MTO1: variants seen among roughly 807,000 people sequenced by gnomAD.
The protein encoded by MTO1 is 5-taurinomethyluridine-[tRNA] synthase subunit MTO1, mitochondrial.
A neutral mutation model predicts 71.6 loss-of-function variants in MTO1; 46 were observed. That is an observed-to-expected ratio of 0.64 (90% CI 0.51 to 0.82). The LOEUF is 0.82. Among genes scored for constraint, MTO1 ranks in the 40% least tolerant of loss-of-function variants. MTO1 has a pLI of 0.00. For synonymous variants in MTO1, 297 were observed against 312.1 expected, an observed-to-expected ratio of 0.95 and a Z score of 0.51; for missense variants, 773 against 867.5, an observed-to-expected ratio of 0.89 and a Z score of 1.37.
chr6:73,477,393 C>CAAAAAAAAAAAAAAAAAAAAAAAA, intron 4 of MTO1, among the ~76,000 whole-genome samples: 1 of 73,202 alleles, frequency 1.4e-5, no homozygotes, highest in Non-Finnish European at 2.6e-5. Flanking sequence ...GACTATGTCT[C>CAAAAAAAAAAAAAAAAAAAAAAAA]AAAAAAAAAA....
rs398122419 is a variant in MTO1 at position 73,480,777 on chromosome 6, C to T, written c.1232C>T (p.Thr411Ile). Residue 411 changes from threonine (T) to isoleucine (I), a missense_variant, in exon 7 of 12, where the codon ACC becomes ATC. Thr to Ile is a moderately conservative substitution (Grantham distance 89). Transcript: ENST00000498286. Reference protein sequence around the residue: ...RLFFAGQINGTTGYEEAAAQG... With the variant: ...RLFFAGQINGITGYEEAAAQG... Reference sequence around the variant, plus strand: ...TTCTTTGCTGGACAGATCAATGGCACCACTGGTTATGAGGAAGCTGCAGCT... The same window carrying T: ...TTCTTTGCTGGACAGATCAATGGCATCACTGGTTATGAGGAAGCTGCAGCT... 22 of 1,613,818 alleles carry T rather than the reference C, an allele frequency of 1.4e-5. No individual in the cohort carries two copies. The South Asian group carries it at 2.0e-4, about 14-fold the overall frequency.
At chr6:73,487,607 A>G (rs1372141292) in intron 9 of MTO1, 1 of 118,398 alleles carries the variant, frequency 8.4e-6, no homozygotes, top group Non-Finnish European at 1.7e-5. Flanking sequence ...GGATCTCGCT[A>G]TGTTTCCCAG....
In MTO1 at chr6:73,482,104, G is replaced by A. The variant is rs765548847; in HGVS notation, c.1325G>A (p.Arg442Gln). ...VSRKPPFVVS[R>Q]TEGYIGVLID... ...CGCAAGCCTCCCTTTGTGGTTAGCC[G>A]AACAGAAGGTTACATAGGAGTCTTG... The change falls in exon 8 of 12, where the codon CGA (arginine) becomes CAA (glutamine). Residue 442 changes from arginine (R) to glutamine (Q), a missense_variant. Transcript: ENST00000498286. 38 of 1,613,990 alleles carry A rather than the reference G, an allele frequency of 2.4e-5. No homozygotes were observed. The highest frequency in any genetic ancestry group is 4.5e-5 in the East Asian group (2 of 44,896).
Position 73,461,752 on chromosome 6 carries a change from A to G in MTO1, c.-103A>G, listed in dbSNP as rs998909567. The G allele has an allele frequency of 2.3e-6, 3 of 1,298,044 alleles. No homozygotes were observed. In the African/African-American group the frequency reaches 4.4e-5, roughly 19 times the overall value. The allele number at this position is 1,298,044 out of a possible 1,614,324, so 80.4% of individuals were successfully genotyped here. A position where few individuals can be genotyped will look rare whatever the true frequency, so the allele number is the denominator to read the frequency against. Reference sequence around the variant, plus strand: ...GGACGTAGACGTCCTACCCCGTGATATTAAAGCAAGATGGCCGCGCCCTGC... The same window carrying G: ...GGACGTAGACGTCCTACCCCGTGATGTTAAAGCAAGATGGCCGCGCCCTGC... On this transcript the variant is annotated 5_prime_UTR_variant, in exon 1 of 12. In the 5' UTR this introduces an upstream ATG that the reference lacks. Coordinates refer to ENST00000498286, the MANE Select transcript of MTO1 (RefSeq NM_012123.4).
At chr6:73,477,194 A>G (rs190832117) in intron 4 of MTO1, among the ~76,000 whole-genome samples, 1 of 151,480 alleles carries the variant, frequency 6.6e-6, no homozygotes, top group South Asian at 2.1e-4. Flanking sequence ...TCAGGAGTTC[A>G]AGACCAGCTT....
rs549307171 is a variant in MTO1 at position 73,490,762 on chromosome 6, T to G, written c.1638-1472T>G. ...CATGGCAATAACCTTCTAAGTAAAT[T>G]ACAGCAAAATAAAGGTATATGTAAA... On this transcript the variant is annotated intron_variant, in intron 9 of 11. Coordinates refer to ENST00000498286, the MANE Select transcript of MTO1 (RefSeq NM_012123.4). Among the ~76,000 whole-genome samples the G allele has an allele frequency of 2.2e-4, 34 of 151,662 alleles. No homozygotes were observed. In the South Asian group the frequency reaches 7.1e-3, roughly 32 times the overall value.
At chr6:73,481,909 T>A in intron 7 of MTO1, 131 bp from the exon 8 acceptor site, 1 of 857,050 alleles carries the variant, frequency 1.2e-6, no homozygotes, top group East Asian at 2.6e-5. Context: ...ATTTTCTACC[T>A]CTATTATATC....
At chr6:73,477,206 G>C (rs937012947) in intron 4 of MTO1, among the ~76,000 whole-genome samples, 1 of 151,194 alleles carries the variant, frequency 6.6e-6, no homozygotes, top group African/African-American at 2.4e-5. Context: ...GACCAGCTTG[G>C]CCAATATGGT....
rs755836394 is a variant in MTO1, at chr6:73,480,031, A to T, written c.1034A>T (p.Tyr345Phe). 1 of 1,614,042 alleles carries T rather than the reference A, an allele frequency of 6.2e-7. No individual in the cohort carries two copies. The highest frequency in any genetic ancestry group is 1.7e-5 in the Admixed American group (1 of 59,984). ...EPEGMDSDLI[Y>F]PQGLSMTLPA... ...GAAGGAATGGATTCTGACCTTATCT[A>T]CCCACAGGGGTTATCTATGACGCTA... The change falls in exon 6 of 12, where the codon TAC becomes TTC. Residue 345 changes from tyrosine to phenylalanine, a missense_variant. Transcript: ENST00000498286.
chr6:73,463,870 G>T (rs1582668212), intron 1 of MTO1, among the ~76,000 whole-genome samples: 1 of 151,988 alleles, frequency 6.6e-6, no homozygotes. Flanking sequence ...CTCCCAAGTG[G>T]CTGGGATTAG....
intron 10 of MTO1, among the ~76,000 whole-genome samples, chr6:73,495,661 T>C (rs889904838): frequency 6.6e-6 from 1 of 152,152 alleles, no homozygotes; most frequent in Non-Finnish European, 1.5e-5. Flanking sequence ...CTTGAGGGCA[T>C]AAATCAGTGT....
chr6:73,466,124 T>C, intron 1 of MTO1, 85 bp from the exon 2 acceptor site: 1 of 1,143,322 alleles, frequency 8.7e-7, no homozygotes, highest in Non-Finnish European at 1.3e-6. Context: ...ATGATTATAG[T>C]CACCTGTATA....
chr6:73,501,157 AG>A lies in MTO1; in HGVS notation c.*423del, dbSNP rs1156240050. The A allele has an allele frequency of 6.5e-6, 1 of 152,944 alleles. No homozygotes were observed. Among genetic ancestry groups the A allele is most frequent in the Non-Finnish European group, 1.5e-5 (1 of 68,566 alleles). The allele number at this position is 152,944 out of a possible 1,614,324, so 9.5% of individuals were successfully genotyped here. ...ATACTAGGCTAGGAAGCAATATCAAAGCCCTTAAATTCTCAAGACTAAAGAC... is the reference window on the plus strand; with the variant it reads ...ATACTAGGCTAGGAAGCAATATCAAACCCTTAAATTCTCAAGACTAAAGAC... On this transcript the variant is annotated 3_prime_UTR_variant, in exon 12 of 12. Transcript: ENST00000498286.
chr6:73,482,395 A>C, intron 8 of MTO1, 54 bp from the exon 9 acceptor site: 1 of 1,570,574 alleles, frequency 6.4e-7, no homozygotes. Flanking sequence ...CTCTACAAAA[A>C]AATTTGCTTT....
At chr6:73,491,127 T>C (rs1250444017) in intron 9 of MTO1, among the ~76,000 whole-genome samples, 1 of 152,122 alleles carries the variant, frequency 6.6e-6, no homozygotes, top group East Asian at 1.9e-4. Context: ...CATACATTGC[T>C]CTCCTCTCCC....
At chr6:73,490,300 C>A (rs551204499) in intron 9 of MTO1, among the ~76,000 whole-genome samples, 5 of 152,120 alleles carry the variant, frequency 3.3e-5, no homozygotes, top group Non-Finnish European at 7.3e-5. Flanking sequence ...TTAATTAGAT[C>A]CCATTTGTCA....
intron 4 of MTO1, among the ~76,000 whole-genome samples, chr6:73,475,321 T>C (rs1471884145): frequency 2.0e-5 from 3 of 151,906 alleles, no homozygotes; most frequent in African/African-American, 7.3e-5. Flanking sequence ...TCAGTCTTGT[T>C]GCCCAACCTG....
At chr6:73,471,372 G>T (rs1377552163) in intron 3 of MTO1, 2 of 418,324 alleles carry the variant, frequency 4.8e-6, no homozygotes, top group Admixed American at 2.8e-5. Context: ...AGATTTAATG[G>T]TTATATTGTT....
chr6:73,466,375 G>C lies in MTO1; in HGVS notation c.384G>C (p.Gln128His). ...CAGCTGTGTGGGGTCTGAGAGCTCA[G>C]ATTGATAGGAAACTCTATAAACAGA... is the stretch of plus-strand genomic sequence containing the variant. ...KGPAVWGLRAQIDRKLYKQNM... is the reference protein window; with the variant it reads ...KGPAVWGLRAHIDRKLYKQNM... The change falls in exon 2 of 12, where the codon CAG becomes CAC. Residue 128 changes from glutamine to histidine, a missense_variant. Gln to His is a conservative substitution (Grantham distance 24, BLOSUM62 0). Transcript: ENST00000498286. 6.2e-7 allele frequency: 1 copy of C among 1,614,158 alleles called. No individual in the cohort carries two copies. Among genetic ancestry groups the C allele is most frequent in the South Asian group, 1.1e-5 (1 of 91,078 alleles).
Sources: allele counts gnomAD v4.1 joint callset (sites outside exome capture counted in the v4.1 genomes callset), GRCh38; gene constraint gnomAD v4.1.1; transcripts MANE v1.5; gene names NCBI Gene and HGNC (gene_info 2026-07-23, HGNC 2026-07-21).